Variants in SMYD3 observed in about 807,000 individuals in gnomAD.
SMYD3 encodes the protein SET and MYND domain containing 3.
Under a neutral mutation model 57.7 loss-of-function variants are expected in SMYD3, and 36 were observed. That is an observed-to-expected ratio of 0.62 (90% CI 0.48 to 0.82). The LOEUF is 0.82. Among genes scored for constraint, SMYD3 ranks in the 40% least tolerant of loss-of-function variants. The probability of loss-of-function intolerance (pLI) is 0.00; values close to 1 mark genes in which losing one functional copy is unlikely to be tolerated. For missense variants in SMYD3, 515 were observed against 538.8 expected (o/e 0.96, Z 0.44); for synonymous variants, 211 against 195.0 (o/e 1.08, Z -0.68).
chr1:245,869,342 G>A (rs2052046552), intron 8 of SMYD3, among the ~76,000 whole-genome samples: 1 of 152,216 alleles, frequency 6.6e-6, no homozygotes, highest in Admixed American at 6.5e-5. Context: ...CAGCGCTGGT[G>A]GCATCTCTGC....
intron 8 of SMYD3, among the ~76,000 whole-genome samples, chr1:245,884,068 T>C (rs1476229308): frequency 1.1e-4 from 16 of 152,174 alleles, no homozygotes; most frequent in Non-Finnish European, 2.4e-4. Context: ...TTTTTAGCAA[T>C]GCAGAGATCA....
chr1:246,342,158 T>C (rs887675238), intron 2 of SMYD3, among the ~76,000 whole-genome samples: 2 of 152,174 alleles, frequency 1.3e-5, no homozygotes, highest in Non-Finnish European at 2.9e-5. Context: ...TTTAAAAATA[T>C]AGAAAAGAAA....
chr1:246,273,600 T>TA (rs2064272002), intron 5 of SMYD3, among the ~76,000 whole-genome samples: 2 of 146,486 alleles, frequency 1.4e-5, no homozygotes, highest in African/African-American at 5.0e-5. Context: ...TTTTTTTTTT[T>TA]AAAGACAGAG....
chr1:246,159,154 G>C (rs997782233), intron 5 of SMYD3, among the ~76,000 whole-genome samples: 12 of 152,208 alleles, frequency 7.9e-5, no homozygotes, highest in Non-Finnish European at 1.3e-4. Context: ...AAGTGCTGGG[G>C]GGAAAGCACG....
At chr1:246,408,312 TA>T (rs1417963922) in intron 1 of SMYD3, among the ~76,000 whole-genome samples, 1 of 152,178 alleles carries the variant, frequency 6.6e-6, no homozygotes, top group Non-Finnish European at 1.5e-5. Flanking sequence ...AATAGTTATA[TA>T]TTATCTAAGA....
chr1:246,217,777 G>A (rs1271754616), intron 5 of SMYD3, among the ~76,000 whole-genome samples: 2 of 152,160 alleles, frequency 1.3e-5, no homozygotes, highest in Non-Finnish European at 2.9e-5. Context: ...AAGTGCTAAT[G>A]TAAAAATTGG....
intron 5 of SMYD3, among the ~76,000 whole-genome samples, chr1:246,109,119 C>A (rs975982018): frequency 6.6e-6 from 1 of 152,218 alleles, no homozygotes; most frequent in African/African-American, 2.4e-5. Context: ...TAATCATATT[C>A]CAGAACCTAT....
At chr1:245,880,881 A>G (rs946258913) in intron 8 of SMYD3, among the ~76,000 whole-genome samples, 1 of 152,204 alleles carries the variant, frequency 6.6e-6, no homozygotes. Flanking sequence ...TAACTTTACA[A>G]TCACAGTTGC....
intron 1 of SMYD3, among the ~76,000 whole-genome samples, chr1:246,439,810 A>G (rs756833130): frequency 6.6e-6 from 1 of 152,056 alleles, no homozygotes; most frequent in African/African-American, 2.4e-5. Context: ...ATTAGCTGGG[A>G]GTGGTGGCGT....
chr1:246,100,287 A>C (rs1373566711), intron 5 of SMYD3, among the ~76,000 whole-genome samples: 1 of 152,228 alleles, frequency 6.6e-6, no homozygotes, highest in East Asian at 1.9e-4. Context: ...AATGATGATT[A>C]AAAGGGAGTT....
intron 5 of SMYD3, among the ~76,000 whole-genome samples, chr1:246,000,392 A>C (rs538334980): frequency 2.0e-5 from 3 of 152,202 alleles, no homozygotes; most frequent in Admixed American, 6.5e-5. Flanking sequence ...AGAAAAAAAA[A>C]CAGAATGTGA....
At chr1:246,256,944 T>C (rs953056118) in intron 5 of SMYD3, among the ~76,000 whole-genome samples, 14 of 152,238 alleles carry the variant, frequency 9.2e-5, no homozygotes, top group African/African-American at 2.9e-4. Context: ...CAGGAGCAAG[T>C]TGTATAATTT....
intron 5 of SMYD3, among the ~76,000 whole-genome samples, chr1:246,194,226 AT>A (rs35469579): frequency 0.15 from 22,957 of 151,214 alleles, 5,315 homozygotes; most frequent in African/African-American, 0.5. Context: ...AAAAGTAAAC[AT>A]TTTTTTGAAC....
chr1:245,983,084 C>CT (rs2058632741), intron 5 of SMYD3, among the ~76,000 whole-genome samples: 1 of 152,188 alleles, frequency 6.6e-6, no homozygotes, highest in African/African-American at 2.4e-5. Flanking sequence ...CCAACGTGAT[C>CT]TTTCCCCCCA....
intron 5 of SMYD3, among the ~76,000 whole-genome samples, chr1:246,017,791 T>C (rs2059402782): frequency 6.6e-6 from 1 of 152,172 alleles, no homozygotes; most frequent in Non-Finnish European, 1.5e-5. Flanking sequence ...TCAGCAAACT[T>C]AGGACTTTAA....
intron 1 of SMYD3, among the ~76,000 whole-genome samples, chr1:246,448,508 GTAAC>G (rs1446439886): frequency 1.3e-5 from 2 of 151,918 alleles, no homozygotes; most frequent in East Asian, 1.9e-4. Context: ...CAGATCGTAG[GTAAC>G]TACGACCCAC....
At chr1:246,053,788 GA>G (rs61185279) in intron 5 of SMYD3, among the ~76,000 whole-genome samples, 93 of 139,992 alleles carry the variant, frequency 6.6e-4, no homozygotes, top group Admixed American at 1.4e-3. Context: ...GATCTCTATG[GA>G]AAAAAAAAAA....
chr1:245,945,462 G>A (rs1274881909), intron 5 of SMYD3, among the ~76,000 whole-genome samples: 1 of 152,118 alleles, frequency 6.6e-6, no homozygotes, highest in Non-Finnish European at 1.5e-5. Context: ...AAAAAGTCAA[G>A]AAACAACAGA....
At chr1:245,857,759 T>C (rs918164848) in intron 10 of SMYD3, among the ~76,000 whole-genome samples, 10 of 152,160 alleles carry the variant, frequency 6.6e-5, no homozygotes, top group Admixed American at 6.5e-4. Context: ...CCGTCTCACC[T>C]TCTAGAATTA....
Sources: gnomAD v4.1 joint callset for allele counts (sites outside exome capture counted in the v4.1 genomes callset) on GRCh38, gnomAD v4.1.1 for gene constraint, MANE v1.5 for transcripts, NCBI Gene and HGNC (gene_info 2026-07-23, HGNC 2026-07-21) for gene names.